SYNE2: variants seen among roughly 807,000 people sequenced by gnomAD.
The protein encoded by SYNE2 is spectrin repeat containing nuclear envelope protein 2, also known as nesprin-2.
In SYNE2, 431 loss-of-function variants were observed where a neutral mutation model predicts 856.3. The ratio of observed to expected loss-of-function variants is 0.50; its 90% CI spans 0.47 to 0.55. The LOEUF is 0.55. SYNE2 is among the 20% of genes least tolerant of loss of function. The pLI, the probability that SYNE2 is intolerant of heterozygous loss-of-function variation, is 0.00. For synonymous variants in SYNE2, 2,923 were observed against 2,872.3 expected (o/e 1.02, Z -0.56); for missense variants, 8,129 against 8,023.2 (o/e 1.01, Z -0.50).
chr14:64,224,916 T>G, intron 114 of SYNE2, 83 bp from the exon 115 acceptor site: 2 of 1,339,956 alleles, frequency 1.5e-6, no homozygotes, highest in Non-Finnish European at 1.0e-6. Context: ...GGTATATAAT[T>G]TAAGGGAGGA....
In SYNE2 at chr14:63,909,430, T is replaced by G. The variant is rs112814425; in HGVS notation, c.79+203T>G. Among the ~76,000 whole-genome samples the G allele has an allele frequency of 1.3e-3, 198 of 152,284 alleles. 1 individual carries two copies. The highest frequency in any genetic ancestry group is 4.5e-3 in the African/African-American group (189 of 41,546). On this transcript the variant is annotated intron_variant, in intron 2 of 115. Transcript: ENST00000555002. ...AAAGTAAGGAATACCTGCAAGGAATTTGCTATCTCCAGTTTCTTACTGAGT... is the reference window on the plus strand; with the variant it reads ...AAAGTAAGGAATACCTGCAAGGAATGTGCTATCTCCAGTTTCTTACTGAGT...
chr14:64,080,777 T>C (rs1238508650), intron 56 of SYNE2, 139 bp downstream of exon 56: 1 of 1,046,030 alleles, frequency 9.6e-7, no homozygotes, highest in African/African-American at 1.6e-5. Context: ...GGTAGGCTTG[T>C]GTGGGTGCTG....
intron 1 of SYNE2, among the ~76,000 whole-genome samples, chr14:63,820,894 T>G (rs1326466092): frequency 6.6e-6 from 1 of 151,860 alleles, no homozygotes; most frequent in Non-Finnish European, 1.5e-5. Flanking sequence ...GCATTACAGG[T>G]GAGCACCACA....
At chr14:63,828,156 C>A (rs954381704) in intron 1 of SYNE2, among the ~76,000 whole-genome samples, 2 of 151,046 alleles carry the variant, frequency 1.3e-5, no homozygotes, top group Non-Finnish European at 3.0e-5. Context: ...ATGATCATGC[C>A]ACTGCACTTC....
intron 30 of SYNE2, among the ~76,000 whole-genome samples, chr14:64,004,150 G>A (rs1326852042): frequency 2.0e-5 from 3 of 151,162 alleles, no homozygotes; most frequent in Non-Finnish European, 2.9e-5. Flanking sequence ...TCAGCTTCCC[G>A]AGTAGCTGGG....
intron 1 of SYNE2, among the ~76,000 whole-genome samples, chr14:63,763,889 C>T (rs1460485002): frequency 6.6e-6 from 1 of 152,112 alleles, no homozygotes; most frequent in East Asian, 1.9e-4. Context: ...CCAGGCTGGT[C>T]TCCCCTCAAG....
intron 57 of SYNE2, chr14:64,084,802 A>T (rs2097547706): frequency 1.7e-6 from 1 of 588,226 alleles, no homozygotes. Flanking sequence ...TGGCTTAGCT[A>T]AGTATCTCTG....
At chr14:63,882,699 C>T (rs1393166115) in intron 1 of SYNE2, among the ~76,000 whole-genome samples, 1 of 152,058 alleles carries the variant, frequency 6.6e-6, no homozygotes, top group African/African-American at 2.4e-5. Context: ...GAGTGGGCCC[C>T]TATCTCAGAA....
At chr14:64,141,212 GT>G in intron 80 of SYNE2, 128 bp from the exon 81 acceptor site, 1 of 691,342 alleles carries the variant, frequency 1.4e-6, no homozygotes, top group Non-Finnish European at 2.4e-6. Flanking sequence ...AAAAAGGGGT[GT>G]GTGTGTGTGT....
chr14:64,062,174 C>T (rs117940590), intron 49 of SYNE2, among the ~76,000 whole-genome samples: 1,546 of 152,088 alleles, frequency 0.01, 11 homozygotes, highest in Non-Finnish European at 0.013. Context: ...GTAACAAATA[C>T]TTTCTAAAAG....
At chr14:63,783,525 A>C (rs1010552843) in intron 1 of SYNE2, among the ~76,000 whole-genome samples, 10 of 152,094 alleles carry the variant, frequency 6.6e-5, no homozygotes, top group Admixed American at 4.6e-4. Context: ...CTACAGGCGC[A>C]CGCCACGACG....
chr14:63,901,468 A>G (rs1279817843), intron 1 of SYNE2, among the ~76,000 whole-genome samples: 1 of 152,196 alleles, frequency 6.6e-6, no homozygotes, highest in African/African-American at 2.4e-5. Context: ...AAAATCACCC[A>G]TAATCCCTTT....
intron 57 of SYNE2, among the ~76,000 whole-genome samples, chr14:64,086,950 TCCAC>T (rs1204734735): frequency 6.6e-6 from 1 of 151,878 alleles, no homozygotes; most frequent in Non-Finnish European, 1.5e-5. Flanking sequence ...CCTCAGGTGA[TCCAC>T]CCACCTCAGC....
rs17101624 is a variant in SYNE2, at chr14:64,081,414, C to G, written c.11347-29C>G. On this transcript the variant is annotated intron_variant, in intron 56 of 115. Coordinates refer to ENST00000555002, the MANE Select transcript of SYNE2 (RefSeq NM_182914.3). ...TTCAGCTCCAGTAAAAGGCATCTGA[C>G]TAAGTTTGGTCCTGCATCTCTTTCC... The G allele has an allele frequency of 0.043, 70,100 of 1,613,612 alleles. 2,151 individuals carry two copies. The highest frequency in any genetic ancestry group is 0.15 in the African/African-American group (11,182 of 74,944).
At chr14:64,067,461 T>C (rs2097366294) in intron 51 of SYNE2, among the ~76,000 whole-genome samples, 1 of 152,196 alleles carries the variant, frequency 6.6e-6, no homozygotes, top group Non-Finnish European at 1.5e-5. Flanking sequence ...ATACATCAAA[T>C]TGATATAAGA....
chr14:63,837,421 A>G (rs1312445974), intron 1 of SYNE2, among the ~76,000 whole-genome samples: 4 of 152,214 alleles, frequency 2.6e-5, no homozygotes, highest in Non-Finnish European at 5.9e-5. Flanking sequence ...AAATTATAGC[A>G]ACAAAAGAAA....
chr14:63,949,180 A>G (rs544328091), intron 6 of SYNE2, among the ~76,000 whole-genome samples: 1 of 152,262 alleles, frequency 6.6e-6, no homozygotes, highest in Admixed American at 6.5e-5. Flanking sequence ...TCGCCCTCCA[A>G]AAAAATTGAG....
In SYNE2 at chr14:64,190,617, A is replaced by G. The variant is rs998583378; in HGVS notation, c.18038+380A>G. 3.0e-5 allele frequency: 21 copies of G among 702,224 alleles called. No individual in the cohort carries two copies. In the East Asian group the frequency reaches 5.6e-4, roughly 19 times the overall value. The allele number at this position is 702,224 out of a possible 1,614,324, so 43.5% of individuals were successfully genotyped here. On this transcript the variant is annotated intron_variant, in intron 99 of 115. Coordinates refer to ENST00000555002, the MANE Select transcript of SYNE2 (RefSeq NM_182914.3). ...CCTGCCTCAGTATGGCAGATCAGGT[A>G]AGGGCACAGGCCTGGCTTCTGGATG... is the stretch of plus-strand genomic sequence containing the variant.
intron 70 of SYNE2, among the ~76,000 whole-genome samples, chr14:64,122,840 C>T (rs373972181): frequency 1.3e-5 from 2 of 152,242 alleles, no homozygotes; most frequent in East Asian, 1.9e-4. Flanking sequence ...CGGTGGCTCA[C>T]GCCTGTAATC....
Sources: allele counts gnomAD v4.1 joint callset (sites outside exome capture counted in the v4.1 genomes callset), GRCh38; gene constraint gnomAD v4.1.1; transcripts MANE v1.5; gene names NCBI Gene and HGNC (gene_info 2026-07-23, HGNC 2026-07-21).